The following NRCAM variants were observed in gnomAD, a reference collection of about 807,000 sequenced individuals.
NRCAM encodes the protein NgCAM-related cell adhesion molecule.
NRCAM carries 83 observed loss-of-function variants against 156.5 expected under a neutral mutation model. The ratio of observed to expected loss-of-function variants is 0.53; its 90% CI spans 0.44 to 0.64. The LOEUF (loss-of-function observed/expected upper bound fraction) is 0.64. Ranked by LOEUF, NRCAM falls within the 30% of genes least tolerant of loss-of-function variation. The pLI is 0.00. For synonymous variants in NRCAM, 538 were observed against 563.9 expected (o/e 0.95, Z 0.65); for missense variants, 1,417 against 1,597.3 (o/e 0.89, Z 1.92).
intron 11 of NRCAM, among the ~76,000 whole-genome samples, chr7:108,219,512 G>C (rs562229545): frequency 6.6e-6 from 1 of 152,268 alleles, no homozygotes; most frequent in South Asian, 2.1e-4. Context: ...ATGATCAAGT[G>C]GGTTGTATAC....
At chr7:108,447,287 A>T (rs1845527184) in intron 1 of NRCAM, among the ~76,000 whole-genome samples, 1 of 108,400 alleles carries the variant, frequency 9.2e-6, no homozygotes, top group African/African-American at 3.5e-5. Context: ...TTTTTTTTAG[A>T]CAGCGTCTCG....
intron 30 of NRCAM, among the ~76,000 whole-genome samples, chr7:108,165,487 A>T (rs1478658989): frequency 6.6e-6 from 1 of 152,248 alleles, no homozygotes; most frequent in Non-Finnish European, 1.5e-5. Flanking sequence ...ATATATGAAG[A>T]TAATATCTAC....
At chr7:108,274,548 A>G (rs918364141) in intron 3 of NRCAM, among the ~76,000 whole-genome samples, 1 of 152,162 alleles carries the variant, frequency 6.6e-6, no homozygotes, top group Non-Finnish European at 1.5e-5. Context: ...TTTGTCTGTT[A>G]TTGGTGTATA....
chr7:108,172,554 C>G (rs1288684716), intron 28 of NRCAM, among the ~76,000 whole-genome samples: 1 of 152,144 alleles, frequency 6.6e-6, no homozygotes, highest in Non-Finnish European at 1.5e-5. Context: ...CCTCAGCTTC[C>G]CAAAGTGCTG....
At position 108,186,464 on chromosome 7, in the gene NRCAM, C is replaced by T. The variant is rs920336058; in HGVS notation, c.2036-1850G>A. On this transcript the variant is annotated intron_variant, in intron 20 of 32. Transcript: ENST00000379028. ...TATTTCCCTACTTCTTCCACACTCT[C>T]TGTAGTACAATGGCCTGTACCATTA... Among the ~76,000 whole-genome samples the T allele has an allele frequency of 1.3e-4, 20 of 152,198 alleles. No individual in the cohort carries two copies. The East Asian group carries it at 1.9e-3, about 15-fold the overall frequency.
chr7:108,178,460 T>C, intron 25 of NRCAM: 2 of 366,908 alleles, frequency 5.5e-6, no homozygotes, highest in Middle Eastern at 7.5e-4. Context: ...GTGAAACTAT[T>C]CTAACTGGAT....
rs920576200 is a variant in NRCAM at position 108,156,067 on chromosome 7, C to T, written c.3677+3396G>A. On this transcript the variant is annotated intron_variant, in intron 32 of 32. Coordinates refer to ENST00000379028, the MANE Select transcript of NRCAM (RefSeq NM_001037132.4). ...CCAAACCACATTGCAGCTCAAGTAA[C>T]ATTCATGACCCAAATACTCTTTCCT... Among the ~76,000 whole-genome samples, 4 of 152,228 alleles carry T rather than the reference C, an allele frequency of 2.6e-5. No individual in the cohort carries two copies. In the East Asian group the frequency reaches 7.7e-4, roughly 29 times the overall value.
intron 2 of NRCAM, among the ~76,000 whole-genome samples, chr7:108,363,532 G>A (rs936000009): frequency 3.3e-5 from 5 of 152,148 alleles, no homozygotes; most frequent in African/African-American, 1.2e-4. Flanking sequence ...ATAGGTGTGA[G>A]CCACTGCATC....
chr7:108,398,090 A>G (rs1356331534), intron 2 of NRCAM, among the ~76,000 whole-genome samples: 1 of 152,216 alleles, frequency 6.6e-6, no homozygotes, highest in Non-Finnish European at 1.5e-5. Context: ...GAATGTTTCT[A>G]GTTCTGAATC....
chr7:108,154,260 G>C (rs2043496589), intron 32 of NRCAM, among the ~76,000 whole-genome samples: 1 of 152,116 alleles, frequency 6.6e-6, no homozygotes, highest in Admixed American at 6.6e-5. Flanking sequence ...GAAACTGGTG[G>C]AAGATCTTTT....
chr7:108,399,167 G>T (rs1198868776), intron 2 of NRCAM, among the ~76,000 whole-genome samples: 2 of 132,110 alleles, frequency 1.5e-5, no homozygotes, highest in Admixed American at 7.9e-5. Context: ...AGGGGTGTGT[G>T]TGTTTGTGTG....
At chr7:108,378,980 C>G (rs2099689301) in intron 2 of NRCAM, among the ~76,000 whole-genome samples, 1 of 152,092 alleles carries the variant, frequency 6.6e-6, no homozygotes, top group Non-Finnish European at 1.5e-5. Context: ...ACCTGAAATC[C>G]TGACATTAAG....
chr7:108,234,553 G>T, intron 6 of NRCAM, 30 bp downstream of exon 6: 1 of 1,255,656 alleles, frequency 8.0e-7, no homozygotes, highest in Non-Finnish European at 1.2e-6. Context: ...TTTATTCTCA[G>T]TACTATAACA....
chr7:108,279,988 A>G (rs1437139731), intron 3 of NRCAM, among the ~76,000 whole-genome samples: 4 of 152,194 alleles, frequency 2.6e-5, no homozygotes, highest in Admixed American at 2.6e-4. Context: ...GGTGTCCCAC[A>G]TGTTCAGCTG....
intron 1 of NRCAM, among the ~76,000 whole-genome samples, chr7:108,411,016 C>T (rs1794732922): frequency 6.7e-6 from 1 of 150,154 alleles, no homozygotes; most frequent in African/African-American, 2.4e-5. Context: ...TTTAAAAAAA[C>T]TTTCCTTCTA....
chr7:108,188,517 G>A (rs886618479), intron 20 of NRCAM, among the ~76,000 whole-genome samples: 7 of 151,636 alleles, frequency 4.6e-5, no homozygotes, highest in Admixed American at 1.3e-4. Flanking sequence ...AGAGATTTTT[G>A]ACTATTTTGT....
chr7:108,407,209 A>G (rs1198283616), intron 1 of NRCAM, among the ~76,000 whole-genome samples: 1 of 152,210 alleles, frequency 6.6e-6, no homozygotes, highest in Non-Finnish European at 1.5e-5. Flanking sequence ...TCACTTAACC[A>G]TACACCATGA....
At chr7:108,269,158 G>A (rs1315016383) in intron 3 of NRCAM, among the ~76,000 whole-genome samples, 1 of 145,528 alleles carries the variant, frequency 6.9e-6, no homozygotes, top group Non-Finnish European at 1.5e-5. Context: ...TCTTCGTGCT[G>A]TATTTGAAAA....
intron 32 of NRCAM, among the ~76,000 whole-genome samples, chr7:108,157,415 G>A (rs409797): frequency 0.58 from 88,463 of 152,006 alleles, 30,084 homozygotes; most frequent in East Asian, 0.82. Context: ...GCCACGTACT[G>A]CTCCAGACAC....
Sources: allele counts gnomAD v4.1 joint callset (sites outside exome capture counted in the v4.1 genomes callset), GRCh38; gene constraint gnomAD v4.1.1; transcripts MANE v1.5; gene names NCBI Gene and HGNC (gene_info 2026-07-23, HGNC 2026-07-21).